LTBP1: variants seen among roughly 807,000 people sequenced by gnomAD.
LTBP1 encodes the protein latent-transforming growth factor beta-binding protein 1.
LTBP1 carries 129 observed loss-of-function variants against 207.6 expected under a neutral mutation model. The ratio of observed to expected loss-of-function variants is 0.62; its 90% CI spans 0.54 to 0.72. The LOEUF (loss-of-function observed/expected upper bound fraction) is 0.72. LTBP1 is among the 30% of genes least tolerant of loss of function. The pLI is 0.00. For missense variants in LTBP1, 2,281 were observed against 2,217.2 expected (o/e 1.03, Z -0.58); for synonymous variants, 963 against 833.7 (o/e 1.16, Z -2.67).
At chr2:33,067,895 G>A (rs2077600357) in intron 3 of LTBP1, among the ~76,000 whole-genome samples, 1 of 152,180 alleles carries the variant, frequency 6.6e-6, no homozygotes, top group Admixed American at 6.5e-5. Context: ...TAACTGTGCA[G>A]TTGAAGAGCT....
At chr2:33,186,799 A>G (rs2290447) in intron 5 of LTBP1, 57 bp from the exon 6 acceptor site, 49,571 of 1,360,332 alleles carry the variant, frequency 0.036, 2,232 homozygotes, top group African/African-American at 0.21. Context: ...TTGGTTGATC[A>G]TTACTTAGCC....
At chr2:32,964,077 T>TGAG (rs1679564169) in intron 2 of LTBP1, among the ~76,000 whole-genome samples, 1 of 152,192 alleles carries the variant, frequency 6.6e-6, no homozygotes, top group Non-Finnish European at 1.5e-5. Flanking sequence ...TTGTGCTTCC[T>TGAG]CGCGTCAAGA....
At chr2:32,991,741 T>A (rs948852824) in intron 2 of LTBP1, among the ~76,000 whole-genome samples, 1 of 152,226 alleles carries the variant, frequency 6.6e-6, no homozygotes, top group African/African-American at 2.4e-5. Context: ...GTCAGTCATC[T>A]AATCTAGCTC....
chr2:33,225,520 G>A (rs879858610), intron 9 of LTBP1, among the ~76,000 whole-genome samples: 2 of 152,100 alleles, frequency 1.3e-5, no homozygotes, highest in Non-Finnish European at 2.9e-5. Context: ...ACTTGTGCAG[G>A]GGAACACCTA....
At chr2:33,265,293 A>T (rs562803729) in intron 15 of LTBP1, among the ~76,000 whole-genome samples, 1 of 152,236 alleles carries the variant, frequency 6.6e-6, no homozygotes, top group Non-Finnish European at 1.5e-5. Context: ...CAATATGTAT[A>T]AAAAACTTCA....
At chr2:33,184,816 T>C (rs533370630) in intron 5 of LTBP1, among the ~76,000 whole-genome samples, 3 of 151,676 alleles carry the variant, frequency 2.0e-5, no homozygotes, top group East Asian at 3.9e-4. Context: ...CTTCTAGACA[T>C]TGGGCTATGT....
intron 18 of LTBP1, among the ~76,000 whole-genome samples, chr2:33,279,194 T>C (rs1482494902): frequency 6.6e-6 from 1 of 152,222 alleles, no homozygotes; most frequent in Non-Finnish European, 1.5e-5. Context: ...AAAACACTTA[T>C]TTCAAATGCA....
At chr2:33,363,320 G>T in intron 28 of LTBP1, 70 bp from the exon 29 acceptor site, 2 of 1,511,182 alleles carry the variant, frequency 1.3e-6, no homozygotes, top group Non-Finnish European at 1.8e-6. Flanking sequence ...CCCCAAATCT[G>T]GTTAGACTCT....
intron 31 of LTBP1, among the ~76,000 whole-genome samples, chr2:33,376,652 GA>G (rs1221371541): frequency 6.6e-6 from 1 of 152,164 alleles, no homozygotes; most frequent in African/African-American, 2.4e-5. Flanking sequence ...ACTTTCAAGG[GA>G]ATAATAGGAC....
Position 33,274,957 on chromosome 2 carries a change from G to A in LTBP1, c.2744-8G>A, listed in dbSNP as rs372628884. On this transcript the variant is annotated splice_region_variant and splice_polypyrimidine_tract_variant and intron_variant, in intron 16 of 33. Transcript: ENST00000404816. ...AACTAATATTTTTATATGTATTTTT[G>A]TTAACAGATATTGATGAGTGTACTC... The A allele has an allele frequency of 1.5e-5, 25 of 1,613,026 alleles. No homozygotes were observed. Among genetic ancestry groups the A allele is most frequent in the Non-Finnish European group, 1.9e-5 (22 of 1,179,438 alleles).
chr2:33,385,236 C>G (rs2095255700), intron 31 of LTBP1, among the ~76,000 whole-genome samples: 1 of 152,164 alleles, frequency 6.6e-6, no homozygotes, highest in South Asian at 2.1e-4. Flanking sequence ...GAGCTAGTTT[C>G]CCTCTACCTA....
intron 21 of LTBP1, among the ~76,000 whole-genome samples, chr2:33,300,925 C>T (rs553259864): frequency 3.3e-5 from 5 of 152,036 alleles, no homozygotes; most frequent in South Asian, 2.1e-4. Flanking sequence ...GTCATTATAT[C>T]GGGCTGCTTT....
intron 2 of LTBP1, among the ~76,000 whole-genome samples, chr2:32,953,182 G>A (rs1677458917): frequency 6.6e-6 from 1 of 152,218 alleles, no homozygotes; most frequent in African/African-American, 2.4e-5. Flanking sequence ...AAAGGAGACA[G>A]AGTCACATGC....
At chr2:33,117,152 G>C (rs2080794017) in intron 4 of LTBP1, among the ~76,000 whole-genome samples, 3 of 152,310 alleles carry the variant, frequency 2.0e-5, no homozygotes, top group African/African-American at 7.2e-5. Flanking sequence ...TTTCATAGTA[G>C]CAGCTTTGTG....
rs2094718318 is a variant in LTBP1 at position 33,347,373 on chromosome 2, A to G, written c.3863A>G (p.Asn1288Ser). The G allele has an allele frequency of 7.4e-6, 12 of 1,614,024 alleles. No homozygotes were observed. In the East Asian group the frequency reaches 2.5e-4, roughly 33 times the overall value. Residue 1288 changes from asparagine (N) to serine (S), a missense_variant, in exon 26 of 34, where the codon AAT (asparagine) becomes AGT (serine). This residue lies in a region of LTBP1 where 1,671 missense variants were observed against 1,634.8 expected (regional missense o/e 1.02). Coordinates refer to ENST00000404816, the MANE Select transcript of LTBP1 (RefSeq NM_206943.4). ...PQDGQGCVDVNECELLSGVCG... is the reference protein window; with the variant it reads ...PQDGQGCVDVSECELLSGVCG... Reference sequence around the variant, plus strand: ...TCTGTGCTCCCTTTTCCAGATGTGAATGAATGTGAACTGCTCAGTGGGGTG... The same window carrying G: ...TCTGTGCTCCCTTTTCCAGATGTGAGTGAATGTGAACTGCTCAGTGGGGTG...
intron 2 of LTBP1, among the ~76,000 whole-genome samples, chr2:32,954,093 C>T (rs1677646493): frequency 6.6e-6 from 1 of 152,200 alleles, no homozygotes; most frequent in Non-Finnish European, 1.5e-5. Context: ...GACAGTGGGG[C>T]AGTGCTCAGA....
chr2:33,312,920 C>G (rs1234693368), intron 23 of LTBP1, among the ~76,000 whole-genome samples: 1 of 152,082 alleles, frequency 6.6e-6, no homozygotes, highest in Non-Finnish European at 1.5e-5. Context: ...AGCTTGATCC[C>G]CAAGCCAGTG....
intron 15 of LTBP1, among the ~76,000 whole-genome samples, chr2:33,263,925 C>T (rs2093095608): frequency 6.9e-6 from 1 of 145,904 alleles, no homozygotes; most frequent in Non-Finnish European, 1.5e-5. Flanking sequence ...TGCACTCCAG[C>T]CTGGTGACAG....
chr2:33,036,162 C>A (rs143255022), intron 3 of LTBP1, among the ~76,000 whole-genome samples: 2 of 152,258 alleles, frequency 1.3e-5, no homozygotes, highest in Admixed American at 6.5e-5. Flanking sequence ...ATCAGAATCG[C>A]CGGTGGAGGG....
Sources: gnomAD v4.1 joint callset for allele counts (sites outside exome capture counted in the v4.1 genomes callset) on GRCh38, gnomAD v4.1.1 for gene constraint, gnomAD v4.1.1 regional missense constraint, MANE v1.5 for transcripts, NCBI Gene and HGNC (gene_info 2026-07-23, HGNC 2026-07-21) for gene names.